Variants in DOCK10 observed in about 807,000 individuals in gnomAD.
DOCK10 encodes the protein dedicator of cytokinesis protein 10.
A neutral mutation model predicts 280.1 loss-of-function variants in DOCK10; 145 were observed. The observed-to-expected ratio is 0.52, with a 90% CI of 0.45 to 0.59. The LOEUF (loss-of-function observed/expected upper bound fraction) is 0.59. DOCK10 is among the 20% of genes least tolerant of loss of function. DOCK10 has a pLI of 0.00. For synonymous variants in DOCK10, 915 were observed against 942.2 expected, an observed-to-expected ratio of 0.97 and a Z score of 0.53; for missense variants, 2,368 against 2,651.7, an observed-to-expected ratio of 0.89 and a Z score of 2.35.
chr2:224,904,984 T>G (rs1331009731), intron 3 of DOCK10, among the ~76,000 whole-genome samples: 2 of 152,198 alleles, frequency 1.3e-5, no homozygotes, highest in African/African-American at 2.4e-5. Context: ...CCCCCTCCTC[T>G]GTAATTTTCT....
chr2:224,806,304 C>A, intron 33 of DOCK10, 67 bp from the exon 34 acceptor site: 1 of 832,730 alleles, frequency 1.2e-6, no homozygotes, highest in Non-Finnish European at 1.9e-6. Context: ...CCCACATATG[C>A]CTTCTTCGTT....
chr2:224,872,664 G>A (rs1457879082), intron 11 of DOCK10, among the ~76,000 whole-genome samples: 1 of 152,134 alleles, frequency 6.6e-6, no homozygotes, highest in African/African-American at 2.4e-5. Context: ...TAGTTTCCCT[G>A]GATCATAAAT....
chr2:224,860,998 A>G (rs752058898), intron 14 of DOCK10: 4 of 152,174 alleles, frequency 2.6e-5, no homozygotes, highest in Non-Finnish European at 5.9e-5. Context: ...ATTTTGTTAT[A>G]CTGGAATATT....
In DOCK10 at chr2:224,834,157, A is replaced by T. The variant is rs1574906408; in HGVS notation, c.2957T>A (p.Val986Asp). 6.2e-7 allele frequency: 1 copy of T among 1,601,726 alleles called. No homozygotes were observed. The highest frequency in any genetic ancestry group is 2.2e-5 in the East Asian group (1 of 44,794). ...CCATCTTTAAATTCTTACCTTTAGGACATGCTTTACTGTTGTTGAGTCATT... is the reference window on the plus strand; with the variant it reads ...CCATCTTTAAATTCTTACCTTTAGGTCATGCTTTACTGTTGTTGAGTCATT... ...KSNDSTTVKH[V>D]LKHSWFFFAI... The change falls in exon 26 of 56, where the codon GTC becomes GAC. Residue 986 changes from valine to aspartate, a missense_variant. Coordinates refer to ENST00000258390, the MANE Select transcript of DOCK10 (RefSeq NM_014689.3).
At chr2:224,960,798 G>A (rs1359545920) in intron 1 of DOCK10, among the ~76,000 whole-genome samples, 3 of 128,554 alleles carry the variant, frequency 2.3e-5, no homozygotes, top group Non-Finnish European at 3.1e-5. Context: ...GGAGTGCAGT[G>A]GCGCTATCTC....
In DOCK10 at chr2:224,862,660, A is replaced by G. The variant is rs1697587321; in HGVS notation, c.1685+4T>C. 1.2e-6 allele frequency: 2 copies of G among 1,612,090 alleles called. No homozygotes were observed. Among genetic ancestry groups the G allele is most frequent in the Non-Finnish European group, 1.7e-6 (2 of 1,178,376 alleles). ...TAGTCTGTTGGCTGCAACTGTCAACATACCTTACTGCCCAAGCAAAAGGCA... is the reference window on the plus strand; with the variant it reads ...TAGTCTGTTGGCTGCAACTGTCAACGTACCTTACTGCCCAAGCAAAAGGCA... On this transcript the variant is annotated splice_donor_region_variant and intron_variant, in intron 14 of 55. Coordinates refer to ENST00000258390, the MANE Select transcript of DOCK10 (RefSeq NM_014689.3).
At chr2:224,844,602 A>G (rs1696204634) in intron 22 of DOCK10, 151 bp downstream of exon 22, 1 of 623,282 alleles carries the variant, frequency 1.6e-6, no homozygotes, top group Admixed American at 2.7e-5. Context: ...GAGGCATCAA[A>G]TTATGCCCTT....
intron 1 of DOCK10, among the ~76,000 whole-genome samples, chr2:224,959,694 T>C (rs549366430): frequency 6.6e-6 from 1 of 152,360 alleles, no homozygotes; most frequent in African/African-American, 2.4e-5. Flanking sequence ...ACTTAATTTA[T>C]TGATAATATC....
intron 1 of DOCK10, among the ~76,000 whole-genome samples, chr2:225,029,134 C>T (rs981393416): frequency 2.6e-4 from 39 of 152,164 alleles, no homozygotes; most frequent in African/African-American, 8.9e-4. Flanking sequence ...TCCATTTAAA[C>T]CTCCTTGTGA....
intron 26 of DOCK10, among the ~76,000 whole-genome samples, chr2:224,831,757 G>T (rs565223231): frequency 6.6e-6 from 1 of 152,118 alleles, no homozygotes; most frequent in Non-Finnish European, 1.5e-5. Flanking sequence ...CCTCCCTGCC[G>T]CAAATAGCTC....
chr2:224,893,722 C>T, intron 4 of DOCK10: 2 of 399,484 alleles, frequency 5.0e-6, no homozygotes, highest in South Asian at 3.8e-5. Flanking sequence ...ATAAATTTCA[C>T]CTTTTTTTTT....
At chr2:224,976,065 C>A (rs13411031) in intron 1 of DOCK10, among the ~76,000 whole-genome samples, 1 of 151,858 alleles carries the variant, frequency 6.6e-6, no homozygotes, top group East Asian at 1.9e-4. Flanking sequence ...GTGAGCCTGC[C>A]GACCTGCAAG....
chr2:225,003,593 C>T (rs951893009), intron 1 of DOCK10, among the ~76,000 whole-genome samples: 18 of 152,180 alleles, frequency 1.2e-4, no homozygotes, highest in African/African-American at 4.3e-4. Context: ...AAAGGCAAAT[C>T]TAAAACACAG....
chr2:224,909,646 T>C (rs1575040083), intron 3 of DOCK10, among the ~76,000 whole-genome samples: 1 of 152,150 alleles, frequency 6.6e-6, no homozygotes, highest in East Asian at 1.9e-4. Context: ...TCTGGCTCTG[T>C]GTGAACTTGG....
intron 1 of DOCK10, chr2:224,983,629 C>T (rs1705864150): frequency 2.8e-6 from 1 of 359,650 alleles, no homozygotes. Flanking sequence ...GTTGCTTTCG[C>T]GGAAGCATCT....
intron 1 of DOCK10, among the ~76,000 whole-genome samples, chr2:224,943,666 T>C (rs1371381067): frequency 1.3e-5 from 2 of 152,196 alleles, no homozygotes; most frequent in East Asian, 3.8e-4. Context: ...TGTTGGGCAT[T>C]TTGTCAACTG....
At position 224,876,226 on chromosome 2, in the gene DOCK10, G is replaced by T; in HGVS notation, c.748-5C>A. The T allele has an allele frequency of 1.3e-6, 2 of 1,583,086 alleles. No homozygotes were observed. Among genetic ancestry groups the T allele is most frequent in the Non-Finnish European group, 1.7e-6 (2 of 1,164,312 alleles). On this transcript the variant is annotated splice_polypyrimidine_tract_variant and splice_region_variant and intron_variant, in intron 7 of 55. Transcript: ENST00000258390. ...ATATTTTCTTAGTCTGTTATTCTGT[G>T]GTATAAAAAGAAAGAAAGAAAAAGA...
At chr2:224,999,476 T>C (rs746933952) in intron 1 of DOCK10, among the ~76,000 whole-genome samples, 8 of 146,570 alleles carry the variant, frequency 5.5e-5, no homozygotes, top group Admixed American at 1.4e-4. Context: ...CCTCCCTCCC[T>C]TCCTGCCTCC....
intron 28 of DOCK10, among the ~76,000 whole-genome samples, chr2:224,821,794 A>G (rs1694522509): frequency 6.6e-6 from 1 of 152,208 alleles, no homozygotes; most frequent in Non-Finnish European, 1.5e-5. Flanking sequence ...GCATAGCAAT[A>G]AACTTTATTC....
Sources: gnomAD v4.1 joint callset for allele counts (sites outside exome capture counted in the v4.1 genomes callset) on GRCh38, gnomAD v4.1.1 for gene constraint, MANE v1.5 for transcripts, NCBI Gene and HGNC (gene_info 2026-07-23, HGNC 2026-07-21) for gene names.